The following FRG1 variants were observed in gnomAD, a reference collection of about 807,000 sequenced individuals.
The protein encoded by FRG1 is FSHD region gene 1, also known as protein FRG1.
In FRG1, 19 loss-of-function variants were observed where a neutral mutation model predicts 37.0. That is an observed-to-expected ratio of 0.51 (90% confidence interval 0.36 to 0.75). The LOEUF (loss-of-function observed/expected upper bound fraction) is 0.75, where lower values mean the gene tolerates loss of function less well. Among genes scored for constraint, FRG1 ranks in the 30% least tolerant of loss-of-function variants. The pLI is 0.00. For missense variants in FRG1, 243 were observed against 301.4 expected (o/e 0.81, Z 1.44); for synonymous variants, 73 against 96.5 (o/e 0.76, Z 1.43).
intron 2 of FRG1, among the ~76,000 whole-genome samples, chr4:189,951,286 G>A (rs567647573): frequency 9.2e-5 from 14 of 152,100 alleles, no homozygotes; most frequent in South Asian, 2.1e-4. Flanking sequence ...TCGGGAGTTT[G>A]AGACCAGCCT....
At chr4:189,946,638 T>G (rs112175168) in intron 2 of FRG1, among the ~76,000 whole-genome samples, 1 of 152,212 alleles carries the variant, frequency 6.6e-6, no homozygotes, top group Non-Finnish European at 1.5e-5. Context: ...AAATATCATC[T>G]AGTTTTCCTT....
Position 189,942,688 on chromosome 4 carries a change from G to T in FRG1, c.63-514G>T, listed in dbSNP as rs536867653. On this transcript the variant is annotated intron_variant, in intron 1 of 8. Transcript: ENST00000226798. Reference sequence around the variant, plus strand: ...TATTCTTATGTAAGTATTTTTGTGGGTGTATGTTTTCATTTCCCTTGGGTA... The same window carrying T: ...TATTCTTATGTAAGTATTTTTGTGGTTGTATGTTTTCATTTCCCTTGGGTA... Among the ~76,000 whole-genome samples, 169 of 152,230 alleles carry T rather than the reference G, an allele frequency of 1.1e-3. 2 individuals carry two copies. The highest frequency in any genetic ancestry group is 4.0e-3 in the African/African-American group (165 of 41,540).
chr4:189,946,638 T>A (rs112175168), intron 2 of FRG1, among the ~76,000 whole-genome samples: 1 of 152,212 alleles, frequency 6.6e-6, no homozygotes, highest in Non-Finnish European at 1.5e-5. Flanking sequence ...AAATATCATC[T>A]AGTTTTCCTT....
chr4:189,941,257 C>T (rs1736283219), intron 1 of FRG1, among the ~76,000 whole-genome samples, 186 bp downstream of exon 1: 1 of 152,192 alleles, frequency 6.6e-6, no homozygotes, highest in South Asian at 2.1e-4. Flanking sequence ...GAGGGGCAGC[C>T]TCCCGCGCGG....
chr4:189,946,795 T>C (rs1437586668), intron 2 of FRG1, among the ~76,000 whole-genome samples: 2 of 152,238 alleles, frequency 1.3e-5, no homozygotes, highest in African/African-American at 4.8e-5. Flanking sequence ...TTAGTGAATT[T>C]CCATGTAGAC....
At chr4:189,952,117 G>A (rs1233392973) in intron 2 of FRG1, 45 bp from the exon 3 acceptor site, 1 of 1,427,306 alleles carries the variant, frequency 7.0e-7, no homozygotes, top group East Asian at 2.3e-5. Flanking sequence ...AGAACTCTGT[G>A]TCAAAACTAA....
chr4:189,960,069 AT>A, intron 6 of FRG1: 2 of 182,526 alleles, frequency 1.1e-5, no homozygotes, highest in Non-Finnish European at 2.1e-5. Flanking sequence ...CAAAGATGTC[AT>A]TTGCACAAAC....
chr4:189,959,186 G>C (rs557899886), intron 6 of FRG1, among the ~76,000 whole-genome samples: 12 of 152,232 alleles, frequency 7.9e-5, no homozygotes, highest in African/African-American at 2.6e-4. Context: ...TTTTAGAATA[G>C]TCTTGATTTC....
rs1486060431 is a variant in FRG1 at position 189,960,782 on chromosome 4, A to C, written c.572A>C (p.Lys191Thr). 1.9e-6 allele frequency: 3 copies of C among 1,609,134 alleles called. No homozygotes were observed. Among genetic ancestry groups the C allele is most frequent in the African/African-American group, 1.3e-5 (1 of 74,666 alleles). The change falls in exon 7 of 9, where the codon AAA (lysine) becomes ACA (threonine). Residue 191 changes from lysine to threonine, a missense_variant. By Grantham distance (78) the Lys-to-Thr change is moderately conservative (BLOSUM62 -1). Around this residue, in one of 2 missense-constraint regions of FRG1, gnomAD observed 133 missense variants for 199.3 expected, o/e 0.67. Transcript: ENST00000226798. ...RSCAERETKK[K>T]DDIPEEDKGN... ...TGTGCTGAAAGAGAAACCAAGAAAAAAGATGACATTCCAGAAGAAGACAAA... is the reference window on the plus strand; with the variant it reads ...TGTGCTGAAAGAGAAACCAAGAAAACAGATGACATTCCAGAAGAAGACAAA...
At chr4:189,946,978 G>T (rs936212073) in intron 2 of FRG1, among the ~76,000 whole-genome samples, 1 of 152,096 alleles carries the variant, frequency 6.6e-6, no homozygotes, top group African/African-American at 2.4e-5. Flanking sequence ...TCAGCCTCCG[G>T]AGTAACTGGA....
At chr4:189,946,031 T>C (rs1358333600) in intron 2 of FRG1, among the ~76,000 whole-genome samples, 1 of 152,236 alleles carries the variant, frequency 6.6e-6, no homozygotes, top group African/African-American at 2.4e-5. Context: ...TTTATTGGCA[T>C]AGAATTGTTC....
chr4:189,941,065 C>G lies in FRG1; in HGVS notation c.56C>G (p.Thr19Arg). 2 of 1,613,948 alleles carry G rather than the reference C, an allele frequency of 1.2e-6. No individual in the cohort carries two copies. The highest frequency in any genetic ancestry group is 8.5e-7 in the Non-Finnish European group (1 of 1,179,838). The stretch of plus-strand genomic sequence containing the variant: ...AAGCTCGTGCTCAAGGGAACCAAGA[C>G]GAAGAGGTGGGTCCTGCAGCTTGGG... ...STKLVLKGTK[T>R]KSKKKKSKDK... Residue 19 changes from threonine to arginine, a missense_variant, in exon 1 of 9, where the codon ACG becomes AGG. This residue lies in a region of FRG1 where 110 missense variants were observed against 102.2 expected (regional missense o/e 1.08). Coordinates refer to ENST00000226798, the MANE Select transcript of FRG1 (RefSeq NM_004477.3).
intron 6 of FRG1, among the ~76,000 whole-genome samples, chr4:189,958,023 CTCTAT>C (rs1383061582): frequency 6.6e-6 from 1 of 151,832 alleles, no homozygotes; most frequent in Non-Finnish European, 1.5e-5. Context: ...AGGTAGCCTC[CTCTAT>C]AGTCTAGACT....
intron 2 of FRG1, among the ~76,000 whole-genome samples, chr4:189,945,221 T>G (rs1736474954): frequency 6.6e-6 from 1 of 152,248 alleles, no homozygotes; most frequent in African/African-American, 2.4e-5. Context: ...GTTTTACTTC[T>G]TTCTTTCTAA....
intron 2 of FRG1, among the ~76,000 whole-genome samples, chr4:189,945,317 T>TA (rs1470924092): frequency 6.6e-6 from 1 of 152,246 alleles, no homozygotes; most frequent in African/African-American, 2.4e-5. Context: ...AGAATGGGCA[T>TA]AATTGCATTG....
At chr4:189,952,110 ACT>A (rs1736779347) in intron 2 of FRG1, 50 bp from the exon 3 acceptor site, 3 of 1,339,898 alleles carry the variant, frequency 2.2e-6, no homozygotes, top group South Asian at 1.4e-5. Context: ...AAAAAAAAGA[ACT>A]CTGTGTCAAA....
intron 1 of FRG1, among the ~76,000 whole-genome samples, 183 bp downstream of exon 1, chr4:189,941,254 A>C (rs2126793402): frequency 6.6e-6 from 1 of 152,266 alleles, no homozygotes; most frequent in African/African-American, 2.4e-5. Context: ...AGAGAGGGGC[A>C]GCCTCCCGCG....
At position 189,961,181 on chromosome 4, in the gene FRG1, T is replaced by C. The variant is rs553611664; in HGVS notation, c.629+342T>C. The C allele has an allele frequency of 4.8e-5, 9 of 188,678 alleles. No individual in the cohort carries two copies. The East Asian group carries it at 1.1e-3, about 24-fold the overall frequency. The allele number at this position is 188,678 out of a possible 1,614,324, so 11.7% of individuals were successfully genotyped here. ...CAGTTTTCCTAATCATCCTACCACC[T>C]CCCAAAGCTAGTCACTCAGGTTAGT... On this transcript the variant is annotated intron_variant, in intron 7 of 8. Transcript: ENST00000226798.
At chr4:189,945,437 T>C (rs112052648) in intron 2 of FRG1, among the ~76,000 whole-genome samples, 1 of 152,226 alleles carries the variant, frequency 6.6e-6, no homozygotes, top group African/African-American at 2.4e-5. Context: ...TAAAACTTTG[T>C]TTCTTGGGAG....
Sources: allele counts gnomAD v4.1 joint callset (sites outside exome capture counted in the v4.1 genomes callset), GRCh38; gene constraint gnomAD v4.1.1; regional missense constraint gnomAD v4.1.1; transcripts MANE v1.5; gene names NCBI Gene and HGNC (gene_info 2026-07-23, HGNC 2026-07-21).